ROBO2: variants seen among roughly 807,000 people sequenced by gnomAD.
ROBO2 encodes the protein roundabout guidance receptor 2, also known as roundabout homolog 2.
A neutral mutation model predicts 160.8 loss-of-function variants in ROBO2; 53 were observed. That is an observed-to-expected ratio of 0.33 (90% CI 0.26 to 0.41). The LOEUF is 0.41. Ranked by LOEUF, ROBO2 falls within the 10% of genes least tolerant of loss-of-function variation. The pLI is 1.00. For missense variants in ROBO2, 1,577 were observed against 1,722.4 expected, an observed-to-expected ratio of 0.92 and a Z score of 1.49; for synonymous variants, 664 against 611.7, an observed-to-expected ratio of 1.09 and a Z score of -1.26.
rs185922570 is a variant in ROBO2 at position 76,146,234 on chromosome 3, T to C, written c.109+208632T>C. Among the ~76,000 whole-genome samples, 3 of 152,162 alleles carry C rather than the reference T, an allele frequency of 2.0e-5. No individual in the cohort carries two copies. The East Asian group carries it at 5.8e-4, about 29-fold the overall frequency. ...ATTACTCAACAAAACTGATTGCTTT[T>C]ATTTTAAATTCTTTATCACATTCCT... On this transcript the variant is annotated intron_variant, in intron 2 of 26. Coordinates refer to the ROBO2 transcript ENST00000487694.
chr3:76,420,398 C>G (rs560768631), intron 2 of ROBO2, among the ~76,000 whole-genome samples: 2 of 152,076 alleles, frequency 1.3e-5, no homozygotes, highest in Non-Finnish European at 2.9e-5. Context: ...AAGGTCTAAC[C>G]TGATGTGTTT....
intron 2 of ROBO2, among the ~76,000 whole-genome samples, chr3:76,838,559 G>C (rs1223386673): frequency 1.3e-5 from 2 of 152,136 alleles, no homozygotes; most frequent in South Asian, 2.1e-4. Context: ...CATGTCTTAT[G>C]AGCAGTCAGT....
intron 2 of ROBO2, among the ~76,000 whole-genome samples, chr3:76,278,559 A>G (rs1367056680): frequency 6.6e-6 from 1 of 152,046 alleles, no homozygotes. Context: ...TGAGGAGTCA[A>G]TAAAAATAAC....
rs758191790 is a variant in ROBO2 at position 77,522,868 on chromosome 3, A to C, written c.900A>C (p.Gly300=). The C allele has an allele frequency of 1.9e-5, 30 of 1,609,686 alleles. No individual in the cohort carries two copies. Among genetic ancestry groups the C allele is most frequent in the Non-Finnish European group, 2.5e-5 (29 of 1,176,860 alleles). ...TGTGTATTGCTGAGAATCGGGTTGG[A>C]AAAATGGAAGCCTCTGCTACACTCA... Residue 300 remains glycine, a synonymous_variant, in exon 6 of 26, where the codon GGA becomes GGC. Coordinates refer to ENST00000461745, the Ensembl canonical transcript of ROBO2.
intron 2 of ROBO2, among the ~76,000 whole-genome samples, chr3:76,119,916 C>CCTTCCTTCCTTCCTTCCTT (rs2070661295): frequency 1.1e-5 from 1 of 88,118 alleles, no homozygotes; most frequent in Non-Finnish European, 2.2e-5. Flanking sequence ...TTCCCTCCCT[C>CCTTCCTTCCTTCCTTCCTT]CCTTCCTTCC....
chr3:76,232,700 C>T lies in ROBO2; in HGVS notation c.109+295098C>T, dbSNP rs190502762. On this transcript the variant is annotated intron_variant, in intron 2 of 26. Coordinates refer to the ROBO2 transcript ENST00000487694. ...TTAACTGTATATCAATGCTATTTAA[C>T]CCTTCTTATACATTTCATGATCACA... 5.9e-5 allele frequency among the ~76,000 whole-genome samples: 9 copies of T among 152,194 alleles called. No individual in the cohort carries two copies. In the East Asian group the frequency reaches 1.7e-3, roughly 29 times the overall value.
At chr3:76,992,491 TA>T (rs887934140) in intron 2 of ROBO2, among the ~76,000 whole-genome samples, 6 of 151,604 alleles carry the variant, frequency 4.0e-5, no homozygotes, top group Non-Finnish European at 8.8e-5. Flanking sequence ...GCCACCCTGG[TA>T]AAAATAGCAG....
chr3:76,869,340 A>ATCTTTTTTT (rs1178461363), intron 2 of ROBO2, among the ~76,000 whole-genome samples: 4 of 108,138 alleles, frequency 3.7e-5, no homozygotes, highest in African/African-American at 1.1e-4. Flanking sequence ...GTAGAAATTG[A>ATCTTTTTTT]TGTTTTTTTT....
At chr3:77,508,807 AT>A (rs1007657260) in intron 5 of ROBO2, among the ~76,000 whole-genome samples, 145 of 152,082 alleles carry the variant, frequency 9.5e-4, no homozygotes, top group Non-Finnish European at 9.4e-4. Context: ...TTATCTTAAA[AT>A]TTTTTTAAAA....
chr3:77,567,983 T>A (rs1329552112), intron 12 of ROBO2, among the ~76,000 whole-genome samples: 1 of 152,084 alleles, frequency 6.6e-6, no homozygotes, highest in African/African-American at 2.4e-5. Context: ...TTTCTAGACT[T>A]CTGTAGAGAA....
intron 2 of ROBO2, among the ~76,000 whole-genome samples, chr3:76,002,470 C>T (rs1197690255): frequency 6.6e-6 from 1 of 152,070 alleles, no homozygotes; most frequent in African/African-American, 2.4e-5. Flanking sequence ...ACTATTGAAT[C>T]ACGGGGGCAG....
chr3:77,384,935 C>T (rs1254260708), intron 2 of ROBO2, among the ~76,000 whole-genome samples: 3 of 152,162 alleles, frequency 2.0e-5, no homozygotes, highest in Non-Finnish European at 4.4e-5. Flanking sequence ...AATTCTTCCT[C>T]GGAGGCAGTG....
chr3:77,648,625 C>A (rs886058890), exon 26 of ROBO2: 1 of 152,092 alleles, frequency 6.6e-6, no homozygotes, highest in Non-Finnish European at 1.5e-5. Flanking sequence ...AGATTGAGGG[C>A]AAGATAAAAT....
intron 2 of ROBO2, among the ~76,000 whole-genome samples, chr3:76,144,898 AC>A (rs1478659625): frequency 2.1e-5 from 3 of 142,348 alleles, no homozygotes; most frequent in African/African-American, 7.3e-5. Context: ...ATCTGCAGCT[AC>A]AAGCTGGCTT....
chr3:76,479,849 T>G (rs1477905096), intron 2 of ROBO2, among the ~76,000 whole-genome samples: 1 of 152,142 alleles, frequency 6.6e-6, no homozygotes, highest in Non-Finnish European at 1.5e-5. Flanking sequence ...TTGGTGGAAT[T>G]CGGGTTTTAG....
At chr3:77,433,436 G>T (rs1454636524) in intron 2 of ROBO2, among the ~76,000 whole-genome samples, 1 of 141,288 alleles carries the variant, frequency 7.1e-6, no homozygotes, top group Non-Finnish European at 1.5e-5. Context: ...GACCATGCAG[G>T]GTGCTAGATG....
chr3:77,040,983 C>T (rs779570469), intron 1 of ROBO2, 137 bp downstream of exon 1: 115 of 1,085,714 alleles, frequency 1.1e-4, no homozygotes, highest in Non-Finnish European at 1.4e-4. Context: ...GGCACGGGCT[C>T]CTTGGGGGCA....
At chr3:76,550,755 G>T (rs1165294297) in intron 2 of ROBO2, among the ~76,000 whole-genome samples, 2 of 152,246 alleles carry the variant, frequency 1.3e-5, no homozygotes, top group Non-Finnish European at 2.9e-5. Flanking sequence ...GCCAAACCCA[G>T]GTGCTGGCAC....
chr3:77,417,321 C>A (rs1287634424), intron 2 of ROBO2, among the ~76,000 whole-genome samples: 1 of 150,674 alleles, frequency 6.6e-6, no homozygotes, highest in African/African-American at 2.5e-5. Flanking sequence ...TATATATTCA[C>A]AGGCAATCAA....
Sources: allele counts gnomAD v4.1 joint callset (sites outside exome capture counted in the v4.1 genomes callset), GRCh38; gene constraint gnomAD v4.1.1; transcripts MANE v1.5; gene names NCBI Gene and HGNC (gene_info 2026-07-23, HGNC 2026-07-21).